SYN2: variants seen among roughly 807,000 people sequenced by gnomAD.
SYN2 encodes the protein synapsin II.
SYN2 carries 19 observed loss-of-function variants against 50.9 expected under a neutral mutation model. That is an observed-to-expected ratio of 0.37 (90% CI 0.26 to 0.55). The LOEUF is 0.55. Among genes scored for constraint, SYN2 ranks in the 20% least tolerant of loss-of-function variants. SYN2 has a pLI of 0.81. For missense variants in SYN2, 587 were observed against 576.4 expected, an observed-to-expected ratio of 1.02 and a Z score of -0.19; for synonymous variants, 255 against 224.9, an observed-to-expected ratio of 1.13 and a Z score of -1.20.
chr3:12,004,444 AGCC>A lies in SYN2; in HGVS notation c.-101_-99del, dbSNP rs1412133619. On this transcript the variant is annotated 5_prime_UTR_variant, in exon 1 of 13. Coordinates refer to ENST00000621198, the MANE Select transcript of SYN2 (RefSeq NM_133625.6). Reference sequence around the variant, plus strand: ...CCGGGGCCTGAGTCTCTGCTGGCTAAGCCGCCGCCTCAGCCGCCTCAGTCGCCT... The same window carrying A: ...CCGGGGCCTGAGTCTCTGCTGGCTAAGCCGCCTCAGCCGCCTCAGTCGCCT... 1 of 313,082 alleles carries A rather than the reference AGCC, an allele frequency of 3.2e-6. No individual in the cohort carries two copies. The highest frequency in any genetic ancestry group is 2.3e-5 in the African/African-American group (1 of 44,104). 19.4% of individuals were successfully genotyped at this position (313,082 alleles called of 1,614,324 possible).
chr3:12,159,294 A>G (rs1574871156), intron 5 of SYN2: 1 of 162,878 alleles, frequency 6.1e-6, no homozygotes, highest in Non-Finnish European at 1.3e-5. Flanking sequence ...AGAGAGGCAG[A>G]CAGAATTACA....
At chr3:12,166,745 G>A (rs138548154) in intron 7 of SYN2, among the ~76,000 whole-genome samples, 3 of 152,278 alleles carry the variant, frequency 2.0e-5, no homozygotes, top group East Asian at 1.9e-4. Flanking sequence ...AGAACCCTGC[G>A]GGAGTTTCAG....
At chr3:12,078,130 C>G in intron 1 of SYN2, among the ~76,000 whole-genome samples, 1 of 152,018 alleles carries the variant, frequency 6.6e-6, no homozygotes, top group Non-Finnish European at 1.5e-5. Flanking sequence ...TGAGAAGTGT[C>G]TGTTCATATC....
chr3:12,110,360 C>T lies in SYN2; in HGVS notation c.378-30291C>T, dbSNP rs151015059. On this transcript the variant is annotated intron_variant, in intron 1 of 12. Transcript: ENST00000621198. ...ATAGCCTTCTTCCTGGTTGCTTTCACTGGCTGGCATTGAGTGCCTGAAGCT... is the reference window on the plus strand; with the variant it reads ...ATAGCCTTCTTCCTGGTTGCTTTCATTGGCTGGCATTGAGTGCCTGAAGCT... Among the ~76,000 whole-genome samples, 43 of 152,292 alleles carry T rather than the reference C, an allele frequency of 2.8e-4. 1 individual carries two copies. The East Asian group carries it at 8.1e-3, about 29-fold the overall frequency.
At chr3:12,132,730 G>A (rs967210294) in intron 1 of SYN2, among the ~76,000 whole-genome samples, 6 of 152,234 alleles carry the variant, frequency 3.9e-5, no homozygotes, top group African/African-American at 1.4e-4. Context: ...ATTACAGCTT[G>A]TACAAGATGG....
intron 1 of SYN2, among the ~76,000 whole-genome samples, chr3:12,110,409 G>C (rs1188936348): frequency 1.3e-5 from 2 of 152,156 alleles, no homozygotes; most frequent in Non-Finnish European, 2.9e-5. Flanking sequence ...GGTGCAAGCT[G>C]TTGGTGGATC....
intron 1 of SYN2, among the ~76,000 whole-genome samples, chr3:12,026,807 C>G (rs1049193101): frequency 1.3e-5 from 2 of 152,168 alleles, no homozygotes; most frequent in Admixed American, 6.5e-5. Flanking sequence ...TGGGTTAGCA[C>G]TGCATAGTTG....
At chr3:12,105,838 G>GA (rs1696175341) in intron 1 of SYN2, among the ~76,000 whole-genome samples, 1 of 152,042 alleles carries the variant, frequency 6.6e-6, no homozygotes, top group South Asian at 2.1e-4. Flanking sequence ...TGTTATCCCA[G>GA]ACCCACCTTG....
chr3:12,097,475 G>A (rs963413397), intron 1 of SYN2, among the ~76,000 whole-genome samples: 24 of 151,960 alleles, frequency 1.6e-4, no homozygotes, highest in Non-Finnish European at 2.5e-4. Flanking sequence ...GTGTGGTGGC[G>A]CACGCCTGTA....
chr3:12,151,340 T>G lies in SYN2; in HGVS notation c.774+14T>G, dbSNP rs762109415. 9 of 1,600,764 alleles carry G rather than the reference T, an allele frequency of 5.6e-6. No homozygotes were observed. The African/African-American group carries it at 1.1e-4, about 19-fold the overall frequency. ...CACAAAGAGATGGTAAGTGGCTCAG[T>G]GGGGACATTAGTCTTTCTGCTGTTT... On this transcript the variant is annotated intron_variant, in intron 5 of 12. Transcript: ENST00000621198.
At chr3:12,066,757 G>A (rs529792151) in intron 1 of SYN2, among the ~76,000 whole-genome samples, 4 of 152,198 alleles carry the variant, frequency 2.6e-5, no homozygotes, top group East Asian at 1.9e-4. Context: ...GTATTAGTCC[G>A]TTCTCACACT....
At chr3:12,056,266 G>GTGGT (rs1274000347) in intron 1 of SYN2, among the ~76,000 whole-genome samples, 2 of 152,050 alleles carry the variant, frequency 1.3e-5, no homozygotes, top group Non-Finnish European at 2.9e-5. Flanking sequence ...AGTCAAGAGA[G>GTGGT]TGGTTACCTT....
At chr3:12,131,746 G>GA (rs766419544) in intron 1 of SYN2, among the ~76,000 whole-genome samples, 19 of 151,752 alleles carry the variant, frequency 1.3e-4, no homozygotes, top group Admixed American at 4.6e-4. Context: ...AATCTATTCA[G>GA]AAAAAGTGAT....
intron 5 of SYN2, chr3:12,153,433 G>A: frequency 6.6e-7 from 1 of 1,507,908 alleles, no homozygotes; most frequent in Non-Finnish European, 9.2e-7. Flanking sequence ...AGGTCAGGTG[G>A]TAATGGCCAA....
intron 4 of SYN2, among the ~76,000 whole-genome samples, chr3:12,150,615 G>A (rs775868254): frequency 2.0e-5 from 3 of 152,122 alleles, no homozygotes; most frequent in Non-Finnish European, 2.9e-5. Context: ...GTAGGCAAAG[G>A]GTCCAGTAAG....
intron 1 of SYN2, among the ~76,000 whole-genome samples, chr3:12,062,710 G>T (rs889962638): frequency 2.0e-5 from 3 of 151,940 alleles, no homozygotes; most frequent in Non-Finnish European, 4.4e-5. Flanking sequence ...CTTACCATAC[G>T]ATCCAGCATT....
intron 1 of SYN2, among the ~76,000 whole-genome samples, chr3:12,139,693 A>G (rs933561385): frequency 1.3e-5 from 2 of 152,110 alleles, no homozygotes; most frequent in Admixed American, 1.3e-4. Flanking sequence ...TTGGGGACAA[A>G]CTCCCAAAAA....
chr3:12,017,857 T>A (rs1434123755), intron 1 of SYN2, among the ~76,000 whole-genome samples: 1 of 152,192 alleles, frequency 6.6e-6, no homozygotes, highest in Non-Finnish European at 1.5e-5. Flanking sequence ...ATTCCTTCAT[T>A]TTGGTTCGAG....
At chr3:12,012,178 A>G (rs1452101422) in intron 1 of SYN2, among the ~76,000 whole-genome samples, 1 of 151,962 alleles carries the variant, frequency 6.6e-6, no homozygotes, top group Admixed American at 6.6e-5. Context: ...TTTTTTAATG[A>G]CAAAAACATT....
Sources: allele counts gnomAD v4.1 joint callset (sites outside exome capture counted in the v4.1 genomes callset), GRCh38; gene constraint gnomAD v4.1.1; transcripts MANE v1.5; gene names NCBI Gene and HGNC (gene_info 2026-07-23, HGNC 2026-07-21).